Variants in CSNK1E observed in about 807,000 individuals in gnomAD.
The protein encoded by CSNK1E is casein kinase 1 epsilon.
Under a neutral mutation model 46.1 loss-of-function variants are expected in CSNK1E, and 17 were observed. The observed-to-expected ratio is 0.37, with a 90% CI of 0.25 to 0.55. The LOEUF (loss-of-function observed/expected upper bound fraction) is 0.55. Ranked by LOEUF, CSNK1E falls within the 20% of genes least tolerant of loss-of-function variation. The pLI is 0.82. For synonymous variants in CSNK1E, 241 were observed against 242.6 expected, an observed-to-expected ratio of 0.99 and a Z score of 0.06; for missense variants, 386 against 595.4, an observed-to-expected ratio of 0.65 and a Z score of 3.66.
In CSNK1E at chr22:38,300,325, C is replaced by T. The variant is rs948769891; in HGVS notation, c.566-260G>A. ...TCATTCAATGACTATGAGAGGGCAC[C>T]TACTGCCCCCTTGCCTGGCCCACCC... On this transcript the variant is annotated intron_variant, in intron 5 of 10. Transcript: ENST00000396832. The surrounding 1 kb of genome is among the most constrained non-coding windows in gnomAD (Gnocchi z 4.4). 4.6e-5 allele frequency among the ~76,000 whole-genome samples: 7 copies of T among 152,232 alleles called. No homozygotes were observed. The highest frequency in any genetic ancestry group is 1.4e-4 in the African/African-American group (6 of 41,448).
chr22:38,298,674 C>A lies in CSNK1E; in HGVS notation c.885+112G>T. On this transcript the variant is annotated intron_variant, in intron 7 of 10. Transcript: ENST00000396832. This position sits in a 1 kb window ranked among gnomAD's most constrained non-coding sequence, Gnocchi z 4.2. ...GTGAGGTCAACCACACTGTCCAGCTCGTACCTCCCGTCTGTCGGGAGCCCC... is the reference window on the plus strand; with the variant it reads ...GTGAGGTCAACCACACTGTCCAGCTAGTACCTCCCGTCTGTCGGGAGCCCC... 7.9e-7 allele frequency: 1 copy of A among 1,270,704 alleles called. No homozygotes were observed. Among genetic ancestry groups the A allele is most frequent in the South Asian group, 1.3e-5 (1 of 77,814 alleles). 78.7% of individuals were successfully genotyped at this position (1,270,704 alleles called of 1,614,324 possible).
intron 6 of CSNK1E, 117 bp from the exon 7 acceptor site, chr22:38,299,051 G>T: frequency 8.4e-7 from 1 of 1,196,668 alleles, no homozygotes; most frequent in Non-Finnish European, 1.2e-6. Context: ...TCTGTGAGAG[G>T]CAAGAAAAGG....
rs1292606203 is a variant in CSNK1E, at chr22:38,300,099, G to A, written c.566-34C>T. The A allele has an allele frequency of 1.9e-6, 3 of 1,604,524 alleles. No individual in the cohort carries two copies. Among genetic ancestry groups the A allele is most frequent in the Non-Finnish European group, 2.6e-6 (3 of 1,173,924 alleles). On this transcript the variant is annotated intron_variant, in intron 5 of 10. Transcript: ENST00000396832. The surrounding 1 kb of genome is among the most constrained non-coding windows in gnomAD (Gnocchi z 4.4). ...AGAGTCAAAGACTAGGTGAGGGACA[G>A]GGGTCCACTCAGGCCCCTAACTCAT...
At chr22:38,297,482 C>A in intron 7 of CSNK1E, 1 of 821,700 alleles carries the variant, frequency 1.2e-6, no homozygotes, top group Non-Finnish European at 1.5e-6. Context: ...AACAAGAAAC[C>A]CAGAGAGAAG....
intron 6 of CSNK1E, among the ~76,000 whole-genome samples, chr22:38,299,401 C>T (rs5750581): frequency 0.89 from 135,554 of 152,298 alleles, 60,403 homozygotes; most frequent in African/African-American, 0.93. Context: ...GAATGTAGGC[C>T]GGGAAGCAAC....
Position 38,298,694 on chromosome 22 carries a change from A to G in CSNK1E, c.885+92T>C. ...CAGCTCGTACCTCCCGTCTGTCGGG[A>G]GCCCCTCCCGCCACCAGCTCACTCT... On this transcript the variant is annotated intron_variant, in intron 7 of 10. Coordinates refer to ENST00000396832, the MANE Select transcript of CSNK1E (RefSeq NM_152221.3). The surrounding 1 kb of genome is among the most constrained non-coding windows in gnomAD (Gnocchi z 4.2). 6.8e-7 allele frequency: 1 copy of G among 1,464,578 alleles called. No individual in the cohort carries two copies. The highest frequency in any genetic ancestry group is 9.5e-7 in the Non-Finnish European group (1 of 1,055,626). The allele number at this position is 1,464,578 out of a possible 1,614,324, so 90.7% of individuals were successfully genotyped here.
intron 4 of CSNK1E, among the ~76,000 whole-genome samples, chr22:38,302,190 C>T (rs1019004886): frequency 2.0e-5 from 3 of 152,034 alleles, no homozygotes; most frequent in Non-Finnish European, 2.9e-5. Flanking sequence ...TGTGACCGAC[C>T]GCAGGCTTTA....
intron 7 of CSNK1E, chr22:38,296,527 T>C: frequency 2.5e-6 from 4 of 1,599,408 alleles, no homozygotes; most frequent in Non-Finnish European, 3.4e-6. Flanking sequence ...CTGCTGGAGG[T>C]GGTTCAGCTC....
intron 1 of CSNK1E, among the ~76,000 whole-genome samples, chr22:38,314,632 C>T (rs1021281185): frequency 6.6e-6 from 1 of 152,230 alleles, no homozygotes; most frequent in African/African-American, 2.4e-5. Flanking sequence ...CGACCATCCA[C>T]CTTCCAGCCA....
At position 38,317,399 on chromosome 22, in the gene CSNK1E, GC is replaced by G. The variant is rs1569086008; in HGVS notation, c.-253del. ...CCTCCCTCCTCCCGGCCTCCTGCCC[GC>G]CCGCCCGCCCCCGCCGCCGGCTCGC... On this transcript the variant is annotated 5_prime_UTR_variant, in exon 1 of 11. Transcript: ENST00000396832. 1 of 24,068 alleles carries G rather than the reference GC, an allele frequency of 4.2e-5. No homozygotes were observed. Among genetic ancestry groups the G allele is most frequent in the Non-Finnish European group, 9.1e-5 (1 of 11,024 alleles). The allele number at this position is 24,068 out of a possible 1,614,324, so 1.5% of individuals were successfully genotyped here.
chr22:38,293,837 T>A (rs532047949), intron 9 of CSNK1E: 2 of 516,822 alleles, frequency 3.9e-6, no homozygotes, highest in East Asian at 3.1e-5. Flanking sequence ...CTGCCCACCC[T>A]GGCTGGGCCC....
intron 7 of CSNK1E, chr22:38,296,705 T>C: frequency 6.2e-7 from 1 of 1,609,810 alleles, no homozygotes; most frequent in Non-Finnish European, 8.5e-7. Context: ...AAAAGAGATC[T>C]TGCTGGCTAG....
chr22:38,303,071 C>G lies in CSNK1E; in HGVS notation c.188-62G>C, dbSNP rs2092681696. 4 of 1,600,786 alleles carry G rather than the reference C, an allele frequency of 2.5e-6. No homozygotes were observed. Among genetic ancestry groups the G allele is most frequent in the Non-Finnish European group, 3.4e-6 (4 of 1,173,464 alleles). ...AGGCAGGCAGCCAGCCACGCCCGGC[C>G]CACCCTGTGCTCATGGCTGCCCACC... On this transcript the variant is annotated intron_variant, in intron 3 of 10. Transcript: ENST00000396832. The surrounding 1 kb of genome is among the most constrained non-coding windows in gnomAD (Gnocchi z 4.7).
intron 1 of CSNK1E, chr22:38,316,777 G>C (rs135766): frequency 0.99 from 150,238 of 152,246 alleles, 74,133 homozygotes; most frequent in Middle Eastern, 1. Flanking sequence ...CCGATGAAAC[G>C]CTACGCGGGC....
chr22:38,308,557 C>T (rs975825325), intron 2 of CSNK1E, among the ~76,000 whole-genome samples: 4 of 152,212 alleles, frequency 2.6e-5, no homozygotes, highest in East Asian at 1.9e-4. Flanking sequence ...ATGTGTAAAC[C>T]GATGACACTA....
chr22:38,316,851 G>C (rs1241346489), intron 1 of CSNK1E: 1 of 152,038 alleles, frequency 6.6e-6, no homozygotes, highest in Non-Finnish European at 1.5e-5. Flanking sequence ...CCAAATCACA[G>C]CCGGGGTGGC....
intron 7 of CSNK1E, chr22:38,296,054 G>A: frequency 2.0e-6 from 1 of 509,380 alleles, no homozygotes; most frequent in Non-Finnish European, 2.5e-6. Flanking sequence ...ACTCCAAGGT[G>A]TGGAGCCCTG....
chr22:38,295,163 C>A (rs368305117), intron 7 of CSNK1E, among the ~76,000 whole-genome samples: 1 of 152,306 alleles, frequency 6.6e-6, no homozygotes, highest in East Asian at 1.9e-4. Context: ...AGGGAACCCA[C>A]AGACACCGCC....
intron 1 of CSNK1E, among the ~76,000 whole-genome samples, chr22:38,316,374 C>T (rs1486579737): frequency 6.6e-6 from 1 of 152,180 alleles, no homozygotes; most frequent in Non-Finnish European, 1.5e-5. Context: ...TCCCCTTCTC[C>T]TCTCTCCAAA....
Sources: gnomAD v4.1 joint callset for allele counts (sites outside exome capture counted in the v4.1 genomes callset) on GRCh38, gnomAD v4.1.1 for gene constraint, Gnocchi (gnomAD v3.1) non-coding constraint, MANE v1.5 for transcripts, NCBI Gene and HGNC (gene_info 2026-07-23, HGNC 2026-07-21) for gene names.